EFCAB10: variants seen among roughly 807,000 people sequenced by gnomAD.
The protein encoded by EFCAB10 is EF-hand calcium binding domain 10.
EFCAB10 carries 7 observed loss-of-function variants against 7.7 expected under a neutral mutation model. The ratio of observed to expected loss-of-function variants is 0.91; its 90% confidence interval spans 0.52 to 1.72. The LOEUF (loss-of-function observed/expected upper bound fraction) is 1.72. Ranked by LOEUF, EFCAB10 falls within the 40% of genes most tolerant of loss-of-function variation. The pLI is 0.00. For missense variants in EFCAB10, 112 were observed against 61.5 expected (o/e 1.82, Z -2.74); for synonymous variants, 52 against 21.0 (o/e 2.47, Z -4.03).
intron 1 of EFCAB10, 103 bp from the exon 2 acceptor site, chr7:105,569,674 T>C: frequency 1.6e-6 from 1 of 614,688 alleles, no homozygotes; most frequent in Non-Finnish European, 2.9e-6. Flanking sequence ...AAAGGCACTG[T>C]ACTAGGCGCT....
rs527456391 is a variant in EFCAB10, at chr7:105,565,234, A to G, written c.*213T>C. On this transcript the variant is annotated 3_prime_UTR_variant, in exon 5 of 5. Coordinates refer to ENST00000480514, the MANE Select transcript of EFCAB10 (RefSeq NM_001355526.2). The stretch of plus-strand genomic sequence containing the variant: ...AAAATGATTTAAAAACTTGAAAAAT[A>G]GAAACTGATGAAAATTTTTTGGTAA... The G allele has an allele frequency of 4.8e-5, 74 of 1,545,912 alleles. No individual in the cohort carries two copies. Among genetic ancestry groups the G allele is most frequent in the Non-Finnish European group, 6.1e-5 (69 of 1,140,334 alleles).
At chr7:105,570,207 C>CTG (rs763584002) in intron 1 of EFCAB10, among the ~76,000 whole-genome samples, 15,775 of 38,438 alleles carry the variant, frequency 0.41, 2,340 homozygotes, top group Middle Eastern at 0.58. Flanking sequence ...GAGCAAGACT[C>CTG]TCTCAAAAAA....
In EFCAB10 at chr7:105,569,223, CAA is replaced by C. The variant is rs1233908751; in HGVS notation, c.337_338del (p.Leu113GlyfsTer2). The C allele has an allele frequency of 4.3e-6, 3 of 701,284 alleles. No homozygotes were observed. The highest frequency in any genetic ancestry group is 5.4e-5 in the East Asian group (2 of 37,266). 43.4% of individuals were successfully genotyped at this position (701,284 alleles called of 1,614,324 possible). On this transcript the variant is annotated frameshift_variant, in exon 3 of 5. Coordinates refer to ENST00000480514, the MANE Select transcript of EFCAB10 (RefSeq NM_001355526.2). LOFTEE classifies it high-confidence loss of function. ...DLQDDGHKIT[L>X]DKFKEEVNKR... ...CTTACACTTCCTCCTTGAATTTATC[CAA>C]AGTTATTTTATGTCCATCATCTTGT...
At chr7:105,567,344 T>C in intron 4 of EFCAB10, 123 bp downstream of exon 4, 1 of 1,490,824 alleles carries the variant, frequency 6.7e-7, no homozygotes, top group Non-Finnish European at 9.2e-7. Context: ...TTGGTTTTTG[T>C]TTCTAAGAAA....
chr7:105,574,105 A>G (rs1792009420), intron 1 of EFCAB10, among the ~76,000 whole-genome samples: 2 of 136,150 alleles, frequency 1.5e-5, no homozygotes, highest in South Asian at 5.0e-4. Context: ...ATACACACAT[A>G]CACACACACA....
At chr7:105,579,939 C>T (rs946364668) in intron 1 of EFCAB10, among the ~76,000 whole-genome samples, 1 of 151,736 alleles carries the variant, frequency 6.6e-6, no homozygotes, top group African/African-American at 2.4e-5. Flanking sequence ...TTTTATATAA[C>T]GAATGTAACA....
intron 1 of EFCAB10, chr7:105,573,799 G>A (rs964835102): frequency 6.6e-6 from 1 of 152,164 alleles, no homozygotes; most frequent in Non-Finnish European, 1.5e-5. Flanking sequence ...CACACAGCCA[G>A]TATGAATCCA....
intron 4 of EFCAB10, 198 bp from the exon 5 acceptor site, chr7:105,565,645 A>G: frequency 6.4e-7 from 1 of 1,564,286 alleles, no homozygotes; most frequent in Non-Finnish European, 8.8e-7. Context: ...AATTATTTTA[A>G]ACAGTAAGCT....
chr7:105,577,052 TAA>T (rs113658971), intron 1 of EFCAB10, among the ~76,000 whole-genome samples: 7 of 144,730 alleles, frequency 4.8e-5, no homozygotes, highest in Admixed American at 1.4e-4. Flanking sequence ...AACTCCGTCT[TAA>T]AAAAAAAAAA....
chr7:105,579,123 T>TC (rs1165272712), intron 1 of EFCAB10, among the ~76,000 whole-genome samples: 1 of 152,106 alleles, frequency 6.6e-6, no homozygotes, highest in African/African-American at 2.4e-5. Context: ...ATACGTGTGT[T>TC]CCCAAAATCT....
chr7:105,565,200 C>T lies in EFCAB10; in HGVS notation c.*247G>A. The T allele has an allele frequency of 7.3e-7, 1 of 1,364,262 alleles. No individual in the cohort carries two copies. Among genetic ancestry groups the T allele is most frequent in the Middle Eastern group, 1.9e-4 (1 of 5,180 alleles). The allele number at this position is 1,364,262 out of a possible 1,614,324, so 84.5% of individuals were successfully genotyped here. On this transcript the variant is annotated 3_prime_UTR_variant, in exon 5 of 5. Transcript: ENST00000480514. ...AAAATGCCCTAGGACAGAACACTTC[C>T]TCAAATTTAAAATGATTTAAAAACT...
chr7:105,566,097 C>A (rs1791722940), intron 4 of EFCAB10, among the ~76,000 whole-genome samples: 1 of 140,040 alleles, frequency 7.1e-6, no homozygotes, highest in African/African-American at 2.7e-5. Flanking sequence ...GTGATACCCC[C>A]ATCTCTACTA....
intron 1 of EFCAB10, among the ~76,000 whole-genome samples, chr7:105,577,811 C>T (rs893140297): frequency 9.2e-5 from 14 of 151,960 alleles, no homozygotes; most frequent in Admixed American, 8.5e-4. Context: ...CCTCTGCCTC[C>T]GCGTTCAAGC....
intron 1 of EFCAB10, among the ~76,000 whole-genome samples, chr7:105,577,393 C>A (rs1792106419): frequency 6.6e-6 from 1 of 152,180 alleles, no homozygotes; most frequent in Non-Finnish European, 1.5e-5. Flanking sequence ...CTGATAGGAT[C>A]TGCAGCTGCT....
At chr7:105,565,585 T>C (rs771659321) in intron 4 of EFCAB10, 138 bp from the exon 5 acceptor site, 2 of 1,614,054 alleles carry the variant, frequency 1.2e-6, no homozygotes, top group South Asian at 2.2e-5. Context: ...CAGTTTGATA[T>C]GACTCGGAAT....
At chr7:105,579,305 C>T (rs1199683791) in intron 1 of EFCAB10, among the ~76,000 whole-genome samples, 1 of 152,144 alleles carries the variant, frequency 6.6e-6, no homozygotes, top group Non-Finnish European at 1.5e-5. Flanking sequence ...TGAATAACCA[C>T]TGTGTAGCTA....
chr7:105,580,451 C>A (rs564165339), intron 1 of EFCAB10, among the ~76,000 whole-genome samples: 2 of 152,140 alleles, frequency 1.3e-5, no homozygotes, highest in Non-Finnish European at 2.9e-5. Flanking sequence ...GGATTACAGG[C>A]CTGAGCCACT....
chr7:105,572,081 A>C (rs1791964880), intron 1 of EFCAB10: 2 of 152,160 alleles, frequency 1.3e-5, no homozygotes, highest in African/African-American at 4.8e-5. Context: ...AACACTTATA[A>C]TCTACTGTCA....
intron 1 of EFCAB10, among the ~76,000 whole-genome samples, chr7:105,579,432 A>G (rs1310039923): frequency 1.3e-5 from 2 of 152,166 alleles, no homozygotes; most frequent in African/African-American, 4.8e-5. Context: ...TACTGTGGCA[A>G]AAGAGGGTAT....
Sources: allele counts gnomAD v4.1 joint callset (sites outside exome capture counted in the v4.1 genomes callset), GRCh38; gene constraint gnomAD v4.1.1; transcripts MANE v1.5; gene names NCBI Gene and HGNC (gene_info 2026-07-23, HGNC 2026-07-21).